VPS13D: variants seen among roughly 807,000 people sequenced by gnomAD.
VPS13D encodes vacuolar protein sorting 13 homolog D, also known as intermembrane lipid transfer protein VPS13D.
In VPS13D, 187 loss-of-function variants were observed where a neutral mutation model predicts 461.9. That is an observed-to-expected ratio of 0.40 (90% CI 0.36 to 0.46). The LOEUF (loss-of-function observed/expected upper bound fraction) is 0.46. VPS13D is among the 20% of genes least tolerant of loss of function. VPS13D has a pLI of 0.60. For missense variants in VPS13D, 4,711 were observed against 5,364.9 expected (o/e 0.88, Z 3.81); for synonymous variants, 1,951 against 1,986.3 (o/e 0.98, Z 0.47).
chr1:12,295,222 C>CA (rs112447551), intron 24 of VPS13D, among the ~76,000 whole-genome samples: 12,688 of 72,286 alleles, frequency 0.18, 913 homozygotes, highest in East Asian at 0.48. Flanking sequence ...CACCATGACT[C>CA]AAAAAAAAAA....
At chr1:12,338,885 A>G (rs1346898523) in intron 40 of VPS13D, among the ~76,000 whole-genome samples, 2 of 152,348 alleles carry the variant, frequency 1.3e-5, no homozygotes, top group East Asian at 1.9e-4. Context: ...TGGTAAGTGA[A>G]TGTGGTAGAA....
intron 68 of VPS13D, among the ~76,000 whole-genome samples, chr1:12,498,012 G>C (rs1645983749): frequency 6.6e-6 from 1 of 152,170 alleles, no homozygotes; most frequent in Admixed American, 6.5e-5. Context: ...AAACAAAACA[G>C]AAAAACAAAT....
chr1:12,253,768 G>A lies in VPS13D; in HGVS notation c.611G>A (p.Ser204Asn). Residue 204 changes from serine (S) to asparagine (N), a missense_variant, in exon 7 of 70, where the codon AGC (serine) becomes AAC (asparagine). Ser to Asn is a conservative substitution (Grantham distance 46). Transcript: ENST00000620676. ...AAGCAATTAGACGTAGCAGAATTTA[G>A]CATCTATTGGGATGTCGATTGCACT... is the stretch of plus-strand genomic sequence containing the variant. The part of the protein sequence containing the change: ...RKKQLDVAEF[S>N]IYWDVDCTLL... 6.2e-7 allele frequency: 1 copy of A among 1,614,124 alleles called. No individual in the cohort carries two copies. Among genetic ancestry groups the A allele is most frequent in the Non-Finnish European group, 8.5e-7 (1 of 1,180,002 alleles).
chr1:12,276,801 T>G lies in VPS13D; in HGVS notation c.3213T>G (p.Ile1071Met), dbSNP rs1282030252. ...CTACTAGTGTTTCACTTGACAAAAT[T>G]CTTACCAAAGAGCAAGAGTCCCTTA... ...RSATSVSLDK[I>M]LTKEQESLIK... Residue 1071 changes from isoleucine to methionine, a missense_variant, in exon 19 of 70, where the codon ATT becomes ATG. Transcript: ENST00000620676. The surrounding 1 kb of genome is among the most constrained non-coding windows in gnomAD (Gnocchi z 4.5). 1 of 1,614,056 alleles carries G rather than the reference T, an allele frequency of 6.2e-7. No homozygotes were observed.
intron 56 of VPS13D, 97 bp from the exon 57 acceptor site, chr1:12,379,391 G>A: frequency 9.0e-7 from 1 of 1,106,978 alleles, no homozygotes; most frequent in South Asian, 1.5e-5. Context: ...GAGGGCATTA[G>A]AAGGAAGAAG....
intron 2 of VPS13D, among the ~76,000 whole-genome samples, chr1:12,238,480 G>A (rs964411608): frequency 8.5e-4 from 129 of 151,806 alleles, no homozygotes; most frequent in African/African-American, 3.0e-3. Context: ...AAATTTTAAA[G>A]CAAATTGCTT....
intron 65 of VPS13D, among the ~76,000 whole-genome samples, chr1:12,440,155 C>T (rs966390962): frequency 6.6e-6 from 1 of 152,166 alleles, no homozygotes; most frequent in African/African-American, 2.4e-5. Context: ...GAGAGAGAGG[C>T]GCTGAGAAAT....
At chr1:12,332,776 A>G (rs946987575) in intron 37 of VPS13D, among the ~76,000 whole-genome samples, 16 of 152,230 alleles carry the variant, frequency 1.1e-4, no homozygotes, top group African/African-American at 3.9e-4. Context: ...TATTTTAAGA[A>G]AAAGAAAAAG....
chr1:12,318,474 A>AGCATCAGAGGTCTTGGCCTCCAT (rs1642948055), intron 31 of VPS13D, 137 bp downstream of exon 31: 5 of 1,147,782 alleles, frequency 4.4e-6, no homozygotes, highest in Non-Finnish European at 6.1e-6. Flanking sequence ...CAGACCTGCA[A>AGCATCAGAGGTCTTGGCCTCCAT]GCATCAGAGG....
chr1:12,385,626 T>A (rs1644340926), intron 59 of VPS13D, among the ~76,000 whole-genome samples: 1 of 152,242 alleles, frequency 6.6e-6, no homozygotes, highest in African/African-American at 2.4e-5. Context: ...TTGTTTGAAT[T>A]TCAGTAAGAT....
rs1422650174 is a variant in VPS13D at position 12,396,607 on chromosome 1, G to A, written c.11635-3574G>A. On this transcript the variant is annotated intron_variant, in intron 60 of 69. Coordinates refer to ENST00000620676, the MANE Select transcript of VPS13D (RefSeq NM_015378.4). Reference sequence around the variant, plus strand: ...CTGTGGTTCTTTTTCCCAAATGGACGAACTACATCCTTACTGGGAGTGTGT... The same window carrying A: ...CTGTGGTTCTTTTTCCCAAATGGACAAACTACATCCTTACTGGGAGTGTGT... 3.3e-5 allele frequency among the ~76,000 whole-genome samples: 5 copies of A among 152,240 alleles called. No individual in the cohort carries two copies. The East Asian group carries it at 7.7e-4, about 24-fold the overall frequency.
Position 12,277,902 on chromosome 1 carries a change from G to C in VPS13D, c.4314G>C (p.Gln1438His), listed in dbSNP as rs778335541. 6.2e-7 allele frequency: 1 copy of C among 1,614,102 alleles called. No individual in the cohort carries two copies. The highest frequency in any genetic ancestry group is 1.7e-5 in the Admixed American group (1 of 60,008). Reference protein sequence around the residue: ...DIKLYSLNCTQLAGREAVGSE... With the variant: ...DIKLYSLNCTHLAGREAVGSE... ...AACTGTATTCTTTGAATTGCACCCAGTTGGCAGGTAGAGAAGCTGTTGGGT... is the reference window on the plus strand; with the variant it reads ...AACTGTATTCTTTGAATTGCACCCACTTGGCAGGTAGAGAAGCTGTTGGGT... Residue 1438 changes from glutamine (Q) to histidine (H), a missense_variant, in exon 19 of 70, where the codon CAG becomes CAC. Gln to His is a conservative substitution (Grantham distance 24). Around this residue, in one of 3 missense-constraint regions of VPS13D, gnomAD observed 4,411 missense variants for 4,937.8 expected, o/e 0.89. Transcript: ENST00000620676.
chr1:12,366,809 A>G (rs1017417671), intron 52 of VPS13D, among the ~76,000 whole-genome samples: 7 of 152,248 alleles, frequency 4.6e-5, no homozygotes, highest in Admixed American at 3.3e-4. Context: ...GCATCTTGCT[A>G]CATGTTGCTT....
Position 12,233,932 on chromosome 1 carries a change from C to T in VPS13D, c.-76-259C>T, listed in dbSNP as rs557746878. Among the ~76,000 whole-genome samples the T allele has an allele frequency of 1.8e-4, 28 of 152,194 alleles. No individual in the cohort carries two copies. The East Asian group carries it at 3.3e-3, about 18-fold the overall frequency. ...GTGTGGTGGTGGGCAGCTGTCATCC[C>T]AGCTACTTGGGAGGCTGAGGCAGGA... On this transcript the variant is annotated intron_variant, in intron 1 of 69. Coordinates refer to ENST00000620676, the MANE Select transcript of VPS13D (RefSeq NM_015378.4).
At position 12,509,283 on chromosome 1, in the gene VPS13D, G is replaced by C; in HGVS notation, c.*259G>C. 4.7e-6 allele frequency: 2 copies of C among 426,818 alleles called. 1 individual carries two copies. The highest frequency in any genetic ancestry group is 8.4e-5 in the East Asian group (2 of 23,770). The allele number at this position is 426,818 out of a possible 1,614,324, so 26.4% of individuals were successfully genotyped here. A position where few individuals can be genotyped will look rare whatever the true frequency, so the allele number is the denominator to read the frequency against. On this transcript the variant is annotated 3_prime_UTR_variant, in exon 70 of 70. Coordinates refer to ENST00000620676, the MANE Select transcript of VPS13D (RefSeq NM_015378.4). Reference sequence around the variant, plus strand: ...AACGTTTAAAAACATGTACTGAGATGAATCTAATTTTTAGATTGCCCTGTA... The same window carrying C: ...AACGTTTAAAAACATGTACTGAGATCAATCTAATTTTTAGATTGCCCTGTA...
intron 18 of VPS13D, among the ~76,000 whole-genome samples, chr1:12,274,030 A>C (rs1641533867): frequency 6.6e-6 from 1 of 152,088 alleles, no homozygotes; most frequent in South Asian, 2.1e-4. Context: ...ATTTTGAGGA[A>C]GTACCAAATT....
intron 65 of VPS13D, among the ~76,000 whole-genome samples, chr1:12,435,980 C>T (rs915839321): frequency 1.3e-5 from 2 of 152,146 alleles, no homozygotes; most frequent in African/African-American, 4.8e-5. Flanking sequence ...ATCGAGCTGA[C>T]TATAGATTTA....
chr1:12,279,430 A>G lies in VPS13D; in HGVS notation c.4451-69A>G, dbSNP rs1017415752. ...TCATGGGCTGTATTTTGTATATTCT[A>G]CGTTTAATCAGCAGTAATGAAGTAA... On this transcript the variant is annotated intron_variant, in intron 19 of 69. Coordinates refer to ENST00000620676, the MANE Select transcript of VPS13D (RefSeq NM_015378.4). This position sits in a 1 kb window ranked among gnomAD's most constrained non-coding sequence, Gnocchi z 4.3. 1 of 1,475,540 alleles carries G rather than the reference A, an allele frequency of 6.8e-7. No individual in the cohort carries two copies. Among genetic ancestry groups the G allele is most frequent in the Non-Finnish European group, 9.1e-7 (1 of 1,096,980 alleles). The allele number at this position is 1,475,540 out of a possible 1,614,324, so 91.4% of individuals were successfully genotyped here.
In VPS13D at chr1:12,383,117, A is replaced by G. The variant is rs750425205; in HGVS notation, c.11332A>G (p.Ile3778Val). The change falls in exon 58 of 70, where the codon ATC becomes GTC. Residue 3778 changes from isoleucine to valine, a missense_variant. Ile to Val is a conservative substitution (Grantham distance 29). Coordinates refer to ENST00000620676, the MANE Select transcript of VPS13D (RefSeq NM_015378.4). ...GAGACCTGGTTCTGGAATGTTATCC[A>G]TCAGAGTCATCCCAGATGGACCAAC... is the stretch of plus-strand genomic sequence containing the variant. ...KMRPGSGMLS[I>V]RVIPDGPTRA... 1 of 1,614,160 alleles carries G rather than the reference A, an allele frequency of 6.2e-7. No individual in the cohort carries two copies.
Sources: gnomAD v4.1 joint callset for allele counts (sites outside exome capture counted in the v4.1 genomes callset) on GRCh38, gnomAD v4.1.1 for gene constraint, gnomAD v4.1.1 regional missense constraint, Gnocchi (gnomAD v3.1) non-coding constraint, MANE v1.5 for transcripts, NCBI Gene and HGNC (gene_info 2026-07-23, HGNC 2026-07-21) for gene names.